The following UNC5B variants were observed in gnomAD, a reference collection of about 807,000 sequenced individuals.
The protein encoded by UNC5B is netrin receptor UNC5B.
Under a neutral mutation model 103.7 loss-of-function variants are expected in UNC5B, and 56 were observed. The observed-to-expected ratio is 0.54, with a 90% CI of 0.44 to 0.67. UNC5B has a LOEUF of 0.67. Ranked by LOEUF, UNC5B falls within the 30% of genes least tolerant of loss-of-function variation. The probability of loss-of-function intolerance (pLI) is 0.00; values close to 1 mark genes in which losing one functional copy is unlikely to be tolerated. For synonymous variants in UNC5B, 577 were observed against 542.0 expected (o/e 1.06, Z -0.90); for missense variants, 1,194 against 1,284.5 (o/e 0.93, Z 1.08).
In UNC5B at chr10:71,212,989, G is replaced by A. The variant is rs1002764422; in HGVS notation, c.4G>A (p.Gly2Arg). 1.7e-5 allele frequency: 23 copies of A among 1,391,404 alleles called. No homozygotes were observed. In the South Asian group the frequency reaches 2.4e-4, roughly 15 times the overall value. The allele number at this position is 1,391,404 out of a possible 1,614,324, so 86.2% of individuals were successfully genotyped here. A position where few individuals can be genotyped will look rare whatever the true frequency, so the allele number is the denominator to read the frequency against. ...GCCCGAACCAGGCCGCGGGAGCATG[G>A]GGGCCCGGAGCGGAGCTCGGGGCGC... M[G>R]ARSGARGALL... The change falls in exon 1 of 17, where the codon GGG (glycine) becomes AGG (arginine). Residue 2 changes from glycine to arginine, a missense_variant. Transcript: ENST00000335350.
At chr10:71,262,109 A>G (rs905318175) in intron 1 of UNC5B, among the ~76,000 whole-genome samples, 3 of 152,062 alleles carry the variant, frequency 2.0e-5, no homozygotes, top group African/African-American at 7.2e-5. Flanking sequence ...TGGCTTCTCC[A>G]TAAACTCCTG....
chr10:71,291,438 C>T lies in UNC5B; in HGVS notation c.1301C>T (p.Pro434Leu), dbSNP rs149840545. 407 of 1,602,980 alleles carry T rather than the reference C, an allele frequency of 2.5e-4. No individual in the cohort carries two copies. The highest frequency in any genetic ancestry group is 3.2e-4 in the Non-Finnish European group (379 of 1,174,122). The change falls in exon 10 of 17, where the codon CCG becomes CTG. Residue 434 changes from proline to leucine, a missense_variant. Physicochemically the swap from Pro to Leu is moderately conservative, Grantham distance 98. Coordinates refer to ENST00000335350, the MANE Select transcript of UNC5B (RefSeq NM_170744.5). The part of the protein sequence containing the change: ...VNFKTARPSN[P>L]QLLHPSVPPD... Reference sequence around the variant, plus strand: ...ATAGCCCCTACTCCTGCAGGCAACCCGCAGCTCCTACACCCCTCTGTGCCT... The same window carrying T: ...ATAGCCCCTACTCCTGCAGGCAACCTGCAGCTCCTACACCCCTCTGTGCCT...
chr10:71,280,222 G>A (rs1047898244), intron 2 of UNC5B, among the ~76,000 whole-genome samples, 177 bp downstream of exon 2: 2 of 152,118 alleles, frequency 1.3e-5, no homozygotes, highest in Admixed American at 6.5e-5. Context: ...GGACAGCACC[G>A]AGTGCCCTGT....
intron 1 of UNC5B, among the ~76,000 whole-genome samples, chr10:71,240,518 G>A (rs1843875266): frequency 6.6e-6 from 1 of 152,226 alleles, no homozygotes; most frequent in Admixed American, 6.5e-5. Flanking sequence ...GGGTGATGAG[G>A]CCTGGAAGGT....
At chr10:71,271,694 C>T (rs932403200) in intron 1 of UNC5B, among the ~76,000 whole-genome samples, 28 of 152,210 alleles carry the variant, frequency 1.8e-4, no homozygotes, top group African/African-American at 6.3e-4. Flanking sequence ...TCGACCCCAG[C>T]CTCCCATCCA....
intron 1 of UNC5B, among the ~76,000 whole-genome samples, chr10:71,247,060 T>G (rs552663733): frequency 6.6e-6 from 1 of 152,292 alleles, no homozygotes; most frequent in South Asian, 2.1e-4. Flanking sequence ...TTTGCCCAGA[T>G]TCCAGTGCAA....
chr10:71,290,986 C>T lies in UNC5B; in HGVS notation c.1171C>T (p.Leu391Phe), dbSNP rs1487752200. Residue 391 changes from leucine (L) to phenylalanine (F), a missense_variant, in exon 9 of 17, where the codon CTC (leucine) becomes TTC (phenylalanine). Transcript: ENST00000335350. ...GGCCATCTTCGTGGTCGTGGCAATC[C>T]TCATGGCGGTGGGGGTGGTGGTGTA... is the stretch of plus-strand genomic sequence containing the variant. Reference protein sequence around the residue: ...VVAIFVVVAILMAVGVVVYRR... With the variant: ...VVAIFVVVAIFMAVGVVVYRR... The T allele has an allele frequency of 2.5e-6, 4 of 1,613,980 alleles. No homozygotes were observed. The highest frequency in any genetic ancestry group is 2.2e-5 in the South Asian group (2 of 91,074).
intron 4 of UNC5B, among the ~76,000 whole-genome samples, chr10:71,285,858 C>T (rs999683072): frequency 1.3e-5 from 2 of 152,224 alleles, no homozygotes; most frequent in Non-Finnish European, 2.9e-5. Flanking sequence ...TGTCCTCTCT[C>T]GCCATCCTTA....
chr10:71,247,407 G>C (rs993967862), intron 1 of UNC5B, among the ~76,000 whole-genome samples: 1 of 152,216 alleles, frequency 6.6e-6, no homozygotes, highest in African/African-American at 2.4e-5. Flanking sequence ...CCTTGCAGCA[G>C]TCCCCTCCAC....
At position 71,287,725 on chromosome 10, in the gene UNC5B, C is replaced by T. The variant is rs771064404; in HGVS notation, c.861C>T (p.Gly287=). ...APLNGGAFCE[G]QAFQKTACTT... is the part of the protein sequence containing the mutation. ...TCAACGGAGGGGCCTTCTGCGAGGG[C>T]CAGGCATTCCAGAAGACCGCCTGCA... is the stretch of plus-strand genomic sequence containing the variant. The change falls in exon 6 of 17, where the codon GGC becomes GGT. Residue 287 remains glycine, a synonymous_variant. Coordinates refer to ENST00000335350, the MANE Select transcript of UNC5B (RefSeq NM_170744.5). 3 of 1,612,834 alleles carry T rather than the reference C, an allele frequency of 1.9e-6. No homozygotes were observed. The highest frequency in any genetic ancestry group is 1.3e-5 in the African/African-American group (1 of 74,978).
rs1469276802 is a variant in UNC5B at position 71,213,779 on chromosome 10, T to C, written c.79+715T>C. On this transcript the variant is annotated intron_variant, in intron 1 of 16. Coordinates refer to ENST00000335350, the MANE Select transcript of UNC5B (RefSeq NM_170744.5). This position sits in a 1 kb window ranked among gnomAD's most constrained non-coding sequence, Gnocchi z 4.1. ...TGTGTGTGTTGGATGCGGGTAGGGG[T>C]TCTTAGCGATCCTGCGGAGTTTCCT... Among the ~76,000 whole-genome samples, 3 of 137,496 alleles carry C rather than the reference T, an allele frequency of 2.2e-5. No homozygotes were observed. The highest frequency in any genetic ancestry group is 4.7e-5 in the Non-Finnish European group (3 of 64,274). 90.2% of individuals were successfully genotyped at this position (137,496 alleles called of 152,430 possible).
rs1313182236 is a variant in UNC5B, at chr10:71,291,586, G to A, written c.1449G>A (p.Lys483=). ...ACCCCTTACCCAGCCTTAAGGTCAA[G>A]GTCTACAGCTCCAGCACCACGGGCT... ...LLDPLPSLKV[K]VYSSSTTGSG... The change falls in exon 10 of 17, where the codon AAG becomes AAA. Residue 483 remains lysine (K), a synonymous_variant. Transcript: ENST00000335350. The A allele has an allele frequency of 5.0e-6, 8 of 1,614,054 alleles. No homozygotes were observed. The African/African-American group carries it at 8.0e-5, about 16-fold the overall frequency.
chr10:71,240,702 AT>A (rs1196478033), intron 1 of UNC5B, among the ~76,000 whole-genome samples: 1 of 152,180 alleles, frequency 6.6e-6, no homozygotes, highest in Non-Finnish European at 1.5e-5. Context: ...ACTCGGTCTC[AT>A]TTCTAAAAGA....
intron 1 of UNC5B, among the ~76,000 whole-genome samples, chr10:71,215,587 G>C (rs7900933): frequency 3.9e-5 from 6 of 152,068 alleles, no homozygotes; most frequent in Non-Finnish European, 8.8e-5. Flanking sequence ...CAGACCCTTA[G>C]AAGGTAATGT....
rs1325043171 is a variant in UNC5B at position 71,300,465 on chromosome 10, A to C, written c.*1188A>C. 6.6e-6 allele frequency: 1 copy of C among 152,288 alleles called. No individual in the cohort carries two copies. The highest frequency in any genetic ancestry group is 1.9e-4 in the East Asian group (1 of 5,200). 9.4% of individuals were successfully genotyped at this position (152,288 alleles called of 1,614,324 possible). On this transcript the variant is annotated 3_prime_UTR_variant, in exon 17 of 17. Coordinates refer to ENST00000335350, the MANE Select transcript of UNC5B (RefSeq NM_170744.5). ...GGGATGTGGCCCAGAAGTGGGACTCAAACAGAGAGATGAAGTAGGGGAGGG... is the reference window on the plus strand; with the variant it reads ...GGGATGTGGCCCAGAAGTGGGACTCCAACAGAGAGATGAAGTAGGGGAGGG...
At chr10:71,257,113 G>A (rs1218565801) in intron 1 of UNC5B, among the ~76,000 whole-genome samples, 9 of 152,152 alleles carry the variant, frequency 5.9e-5, no homozygotes, top group Admixed American at 5.9e-4. Flanking sequence ...GGGGGACCTG[G>A]AAACCCACAG....
At chr10:71,215,357 A>G (rs1255635402) in intron 1 of UNC5B, among the ~76,000 whole-genome samples, 1 of 152,128 alleles carries the variant, frequency 6.6e-6, no homozygotes, top group Non-Finnish European at 1.5e-5. Context: ...CTCTGCCATG[A>G]GACTCATAAC....
At chr10:71,260,893 C>G (rs888957829) in intron 1 of UNC5B, among the ~76,000 whole-genome samples, 2 of 152,212 alleles carry the variant, frequency 1.3e-5, no homozygotes, top group Non-Finnish European at 2.9e-5. Context: ...AGCTGGGAGC[C>G]CTGCGGAGAG....
intron 1 of UNC5B, among the ~76,000 whole-genome samples, chr10:71,233,008 G>A (rs767444452): frequency 1.1e-4 from 17 of 152,198 alleles, no homozygotes; most frequent in Admixed American, 5.2e-4. Context: ...GCACCTGATG[G>A]GGGACTTGTG....
Sources: allele counts gnomAD v4.1 joint callset (sites outside exome capture counted in the v4.1 genomes callset), GRCh38; gene constraint gnomAD v4.1.1; non-coding constraint Gnocchi (gnomAD v3.1); transcripts MANE v1.5; gene names NCBI Gene and HGNC (gene_info 2026-07-23, HGNC 2026-07-21).